The following TRUB2 variants were observed in gnomAD, a reference collection of about 807,000 sequenced individuals.
TRUB2 encodes the protein pseudouridylate synthase TRUB2, mitochondrial.
In TRUB2, 31 loss-of-function variants were observed where a neutral mutation model predicts 31.9. The observed-to-expected ratio is 0.97, with a 90% confidence interval of 0.73 to 1.31. The LOEUF is 1.31. Ranked by LOEUF, TRUB2 falls within the 50% of genes most tolerant of loss-of-function variation. The probability of loss-of-function intolerance (pLI) is 0.00; values close to 1 mark genes in which losing one functional copy is unlikely to be tolerated. For missense variants in TRUB2, 451 were observed against 439.6 expected, an observed-to-expected ratio of 1.03 and a Z score of -0.23; for synonymous variants, 201 against 182.6, an observed-to-expected ratio of 1.10 and a Z score of -0.81.
rs960221128 is a variant in TRUB2, at chr9:128,305,508, G to A, written c.*4042C>T. 1.3e-5 allele frequency: 2 copies of A among 152,408 alleles called. No homozygotes were observed. The highest frequency in any genetic ancestry group is 4.8e-5 in the African/African-American group (2 of 41,456). 9.4% of individuals were successfully genotyped at this position (152,408 alleles called of 1,614,324 possible). On this transcript the variant is annotated 3_prime_UTR_variant, in exon 8 of 8. Coordinates refer to ENST00000372890, the MANE Select transcript of TRUB2 (RefSeq NM_015679.3). Reference sequence around the variant, plus strand: ...GATTCTCCCACCTCAGCCCAGATCTGGAGTAGCTGTAGCTGGACTACAGAC... The same window carrying A: ...GATTCTCCCACCTCAGCCCAGATCTAGAGTAGCTGTAGCTGGACTACAGAC...
In TRUB2 at chr9:128,309,763, G is replaced by A. The variant is rs370285785; in HGVS notation, c.783C>T (p.Gly261=). ...VCTQVRRTRD[G]FFTLDSALLR... Reference sequence around the variant, plus strand: ...GGAGGGCACTGTCTAGCGTGAAGAAGCCGTCGCGCGTGCGCCGCACTTGGG... The same window carrying A: ...GGAGGGCACTGTCTAGCGTGAAGAAACCGTCGCGCGTGCGCCGCACTTGGG... Residue 261 remains glycine, a synonymous_variant, in exon 8 of 8, where the codon GGC becomes GGT. Coordinates refer to ENST00000372890, the MANE Select transcript of TRUB2 (RefSeq NM_015679.3). The A allele has an allele frequency of 1.2e-6, 2 of 1,614,126 alleles. No individual in the cohort carries two copies. Among genetic ancestry groups the A allele is most frequent in the Non-Finnish European group, 1.7e-6 (2 of 1,180,044 alleles).
In TRUB2 at chr9:128,306,083, C is replaced by T. The variant is rs1383080686; in HGVS notation, c.*3467G>A. ...TTAACAATCGTTGATTGTTCAACTC[C>T]ATCCGTCTCAGAGTTAAAGACACAG... On this transcript the variant is annotated 3_prime_UTR_variant, in exon 8 of 8. Transcript: ENST00000372890. 2 of 152,142 alleles carry T rather than the reference C, an allele frequency of 1.3e-5. No homozygotes were observed. Among genetic ancestry groups the T allele is most frequent in the Non-Finnish European group, 2.9e-5 (2 of 68,030 alleles). The allele number at this position is 152,142 out of a possible 1,614,324, so 9.4% of individuals were successfully genotyped here.
chr9:128,318,769 AG>A (rs1832111072), intron 2 of TRUB2, among the ~76,000 whole-genome samples: 1 of 151,908 alleles, frequency 6.6e-6, no homozygotes, highest in African/African-American at 2.4e-5. Flanking sequence ...CTTGACCTCA[AG>A]TGATCCGCCT....
chr9:128,318,965 T>A (rs1234989380), intron 2 of TRUB2, among the ~76,000 whole-genome samples: 1 of 152,004 alleles, frequency 6.6e-6, no homozygotes, highest in Non-Finnish European at 1.5e-5. Context: ...GCAGATCACT[T>A]GAGCCCAGGA....
chr9:128,313,951 C>T, intron 4 of TRUB2, 62 bp from the exon 5 acceptor site: 2 of 1,528,932 alleles, frequency 1.3e-6, no homozygotes, highest in East Asian at 2.3e-5. Flanking sequence ...GTAGCCCCTG[C>T]CCCAGAAGCT....
chr9:128,314,684 G>A (rs1461459643), intron 4 of TRUB2, among the ~76,000 whole-genome samples: 1 of 152,076 alleles, frequency 6.6e-6, no homozygotes, highest in Non-Finnish European at 1.5e-5. Context: ...ACCCACCTCA[G>A]CCTCCCAAAG....
intron 5 of TRUB2, among the ~76,000 whole-genome samples, chr9:128,313,302 G>A (rs1314806835): frequency 4.0e-5 from 6 of 151,484 alleles, no homozygotes; most frequent in Middle Eastern, 3.4e-3. Context: ...CAAGGAGGGC[G>A]GATCATGAGG....
At chr9:128,310,844 T>C (rs1345282715) in intron 7 of TRUB2, 43 bp downstream of exon 7, 4 of 1,611,274 alleles carry the variant, frequency 2.5e-6, no homozygotes, top group Non-Finnish European at 3.4e-6. Context: ...CTCCCAAACC[T>C]ACGGGTCCCA....
At chr9:128,316,867 T>G (rs1297860693) in intron 3 of TRUB2, 1 of 399,146 alleles carries the variant, frequency 2.5e-6, no homozygotes, top group Non-Finnish European at 4.5e-6. Flanking sequence ...AATCATATAG[T>G]ATCTACCTAA....
Position 128,311,583 on chromosome 9 carries a change from TTC to T in TRUB2, c.477_478del (p.Lys160AlafsTer31). ...GATAACGGCCAGAATGCGGTCCAGCTTCTCTCTGGTCACGTGGTCTGGAAAAG... is the reference window on the plus strand; with the variant it reads ...GATAACGGCCAGAATGCGGTCCAGCTTCTCTGGTCACGTGGTCTGGAAAAG... On this transcript the variant is annotated frameshift_variant, in exon 6 of 8. Transcript: ENST00000372890. LOFTEE classifies it high-confidence loss of function. The T allele has an allele frequency of 1.9e-6, 3 of 1,614,060 alleles. No individual in the cohort carries two copies. The highest frequency in any genetic ancestry group is 3.3e-5 in the Admixed American group (2 of 59,982).
chr9:128,311,178 T>C lies in TRUB2; in HGVS notation c.534-155A>G, dbSNP rs1393623896. On this transcript the variant is annotated intron_variant, in intron 6 of 7. Transcript: ENST00000372890. ...CCCTCCTTCATCACCAGGTGCCTGG[T>C]AGAGTCAGGAAACCCAGGCAAGCTG... 6 of 1,061,234 alleles carry C rather than the reference T, an allele frequency of 5.7e-6. No individual in the cohort carries two copies. The East Asian group carries it at 1.5e-4, about 27-fold the overall frequency. 65.7% of individuals were successfully genotyped at this position (1,061,234 alleles called of 1,614,324 possible). A position where few individuals can be genotyped will look rare whatever the true frequency, so the allele number is the denominator to read the frequency against.
At chr9:128,311,441 C>G in intron 6 of TRUB2, 88 bp downstream of exon 6, 1 of 1,314,256 alleles carries the variant, frequency 7.6e-7, no homozygotes, top group South Asian at 1.2e-5. Context: ...AAAACAAGAT[C>G]CATGGAATCT....
In TRUB2 at chr9:128,321,706, GC is replaced by G. The variant is rs765877481; in HGVS notation, c.133del (p.Ala45LeufsTer21). 1 of 1,613,730 alleles carries G rather than the reference GC, an allele frequency of 6.2e-7. No homozygotes were observed. Among genetic ancestry groups the G allele is most frequent in the Admixed American group, 1.7e-5 (1 of 60,026 alleles). ...CAAGAAGCGAACACGCTGTTTAGGA[GC>G]GGGAGGCTTCCTGGCATTGAGACCT... Reference protein sequence around the residue: ...LKGLNARKPPAPKQRVRFLLG... With the variant: ...LKGLNARKPPXPKQRVRFLLG... On this transcript the variant is annotated frameshift_variant, in exon 2 of 8. Transcript: ENST00000372890. LOFTEE classifies it high-confidence loss of function.
In TRUB2 at chr9:128,306,664, C is replaced by T. The variant is rs1831870615; in HGVS notation, c.*2886G>A. 6.6e-6 allele frequency: 1 copy of T among 151,664 alleles called. No homozygotes were observed. Among genetic ancestry groups the T allele is most frequent in the African/African-American group, 2.4e-5 (1 of 41,322 alleles). The allele number at this position is 151,664 out of a possible 1,614,324, so 9.4% of individuals were successfully genotyped here. On this transcript the variant is annotated 3_prime_UTR_variant, in exon 8 of 8. Coordinates refer to ENST00000372890, the MANE Select transcript of TRUB2 (RefSeq NM_015679.3). The stretch of plus-strand genomic sequence containing the variant: ...TGTTGGTCAGGCTGGTCTTGAACTC[C>T]TGACCTCGTGATCCGCCCACCCTGG...
chr9:128,312,953 C>T (rs1430786513), intron 5 of TRUB2, among the ~76,000 whole-genome samples: 1 of 151,770 alleles, frequency 6.6e-6, no homozygotes, highest in Non-Finnish European at 1.5e-5. Flanking sequence ...TGGTGACTCA[C>T]ACCTGTAATC....
intron 6 of TRUB2, chr9:128,311,233 G>T (rs1831963345): frequency 1.5e-6 from 1 of 662,712 alleles, no homozygotes. Flanking sequence ...TAACTCCTTG[G>T]CTGCTCTTGC....
chr9:128,314,175 G>A (rs951521521), intron 4 of TRUB2, among the ~76,000 whole-genome samples: 2 of 152,128 alleles, frequency 1.3e-5, no homozygotes, highest in African/African-American at 4.8e-5. Context: ...ATGGTACCTG[G>A]CTCCCAGTCA....
rs1831864454 is a variant in TRUB2 at position 128,306,337 on chromosome 9, T to C, written c.*3213A>G. On this transcript the variant is annotated 3_prime_UTR_variant, in exon 8 of 8. Transcript: ENST00000372890. Reference sequence around the variant, plus strand: ...CCCTACGTTCAAGTTACCTAATTTTTCCAAAGAACTGAGTTTTGCTGATAC... The same window carrying C: ...CCCTACGTTCAAGTTACCTAATTTTCCCAAAGAACTGAGTTTTGCTGATAC... The C allele has an allele frequency of 6.6e-6, 1 of 151,996 alleles. No individual in the cohort carries two copies. Among genetic ancestry groups the C allele is most frequent in the Non-Finnish European group, 1.5e-5 (1 of 68,004 alleles). 9.4% of individuals were successfully genotyped at this position (151,996 alleles called of 1,614,324 possible). A position where few individuals can be genotyped will look rare whatever the true frequency, so the allele number is the denominator to read the frequency against.
At chr9:128,314,933 T>C (rs1419019101) in intron 4 of TRUB2, among the ~76,000 whole-genome samples, 1 of 152,124 alleles carries the variant, frequency 6.6e-6, no homozygotes, top group Admixed American at 6.6e-5. Context: ...AATTAGGTAA[T>C]CTACCCAAGG....
Sources: gnomAD v4.1 joint callset for allele counts (sites outside exome capture counted in the v4.1 genomes callset) on GRCh38, gnomAD v4.1.1 for gene constraint, MANE v1.5 for transcripts, NCBI Gene and HGNC (gene_info 2026-07-23, HGNC 2026-07-21) for gene names.